KMT2C: variants seen among roughly 807,000 people sequenced by gnomAD.
KMT2C encodes histone-lysine N-methyltransferase 2C.
In KMT2C, 88 loss-of-function variants were observed where a neutral mutation model predicts 507.9. The ratio of observed to expected loss-of-function variants is 0.17; its 90% CI spans 0.15 to 0.21. The LOEUF (loss-of-function observed/expected upper bound fraction) is 0.21, where lower values mean the gene tolerates loss of function less well. Among genes scored for constraint, KMT2C ranks in the 10% least tolerant of loss-of-function variants. The probability of loss-of-function intolerance (pLI) is 1.00; values close to 1 mark genes in which losing one functional copy is unlikely to be tolerated. For missense variants in KMT2C, 4,954 were observed against 5,957.8 expected (o/e 0.83, Z 5.55); for synonymous variants, 2,049 against 2,080.8 (o/e 0.98, Z 0.42).
intron 9 of KMT2C, among the ~76,000 whole-genome samples, chr7:152,258,690 T>C (rs2129170209): frequency 6.6e-6 from 1 of 152,218 alleles, no homozygotes; most frequent in South Asian, 2.1e-4. Context: ...CATGCCTGGC[T>C]AATTTTTGTA....
At chr7:152,295,867 C>G (rs374497059) in intron 6 of KMT2C, among the ~76,000 whole-genome samples, 10 of 150,908 alleles carry the variant, frequency 6.6e-5, no homozygotes, top group African/African-American at 2.4e-4. Context: ...GAGATCGAGA[C>G]CATCCTAGCT....
intron 55 of KMT2C, among the ~76,000 whole-genome samples, chr7:152,141,109 G>A (rs1437244300): frequency 1.3e-5 from 2 of 151,952 alleles, no homozygotes; most frequent in African/African-American, 2.4e-5. Context: ...GCATGGTGGC[G>A]TGTGCCTGTA....
Position 152,250,981 on chromosome 7 carries a change from A to G in KMT2C, c.1622-15T>C, listed in dbSNP as rs769986410. The G allele has an allele frequency of 1.4e-6, 2 of 1,403,888 alleles. No homozygotes were observed. Among genetic ancestry groups the G allele is most frequent in the Non-Finnish European group, 2.0e-6 (2 of 990,726 alleles). The allele number at this position is 1,403,888 out of a possible 1,614,324, so 87.0% of individuals were successfully genotyped here. On this transcript the variant is annotated splice_polypyrimidine_tract_variant and intron_variant, in intron 11 of 58. Coordinates refer to ENST00000262189, the MANE Select transcript of KMT2C (RefSeq NM_170606.3). ...ATTGTTATAATCTTAACAAAAAATT[A>G]TTAATTCTTTAGCTCAGAATGAGTT...
In KMT2C at chr7:152,176,838, G is replaced by T. The variant is rs2129113731; in HGVS notation, c.8615C>A (p.Pro2872His). Residue 2872 changes from proline to histidine, a missense_variant, in exon 38 of 59, where the codon CCT (proline) becomes CAT (histidine). By Grantham distance (77) the Pro-to-His change is moderately conservative. Around this residue, in one of 29 missense-constraint regions of KMT2C, gnomAD observed 1,689 missense variants for 1,654.3 expected, o/e 1.02. Transcript: ENST00000262189. ...TTTCTCAAATAGATCTGGATCACAA[G>T]GATGCAAAGAAGTCTTTTCTCCATC... ...LNDGEKTSLHPCDPDLFEKRT... is the reference protein window; with the variant it reads ...LNDGEKTSLHHCDPDLFEKRT... 4 of 1,614,224 alleles carry T rather than the reference G, an allele frequency of 2.5e-6. No homozygotes were observed. Among genetic ancestry groups the T allele is most frequent in the Non-Finnish European group, 1.7e-6 (2 of 1,180,048 alleles).
intron 2 of KMT2C, among the ~76,000 whole-genome samples, chr7:152,346,987 C>T (rs1391721009): frequency 6.6e-6 from 1 of 152,020 alleles, no homozygotes; most frequent in Admixed American, 6.6e-5. Context: ...CTTAGCTGGG[C>T]GTGGTGGCAT....
At chr7:152,340,169 G>A (rs1315133814) in intron 2 of KMT2C, among the ~76,000 whole-genome samples, 9 of 140,598 alleles carry the variant, frequency 6.4e-5, no homozygotes, top group Middle Eastern at 3.7e-3. Flanking sequence ...TTTTTTTTTG[G>A]TAGAGACAGG....
Position 152,268,893 on chromosome 7 carries a change from T to C in KMT2C, c.1013-3684A>G, listed in dbSNP as rs559578573. On this transcript the variant is annotated intron_variant, in intron 7 of 58. Coordinates refer to ENST00000262189, the MANE Select transcript of KMT2C (RefSeq NM_170606.3). ...TGGTTTCCAAACAAGTGAAATGTAA[T>C]TAGTTCAAATCGAGGTGTGCAGTAA... 4.3e-4 allele frequency among the ~76,000 whole-genome samples: 66 copies of C among 152,322 alleles called. 1 individual carries two copies. The South Asian group carries it at 0.013, about 31-fold the overall frequency.
intron 2 of KMT2C, 153 bp from the exon 3 acceptor site, chr7:152,330,892 G>C: frequency 3.0e-6 from 2 of 673,262 alleles, no homozygotes; most frequent in South Asian, 3.8e-5. Context: ...CACGTAATTA[G>C]TGGTATTGTG....
chr7:152,265,419 T>C (rs2095845779), intron 7 of KMT2C, among the ~76,000 whole-genome samples: 1 of 152,208 alleles, frequency 6.6e-6, no homozygotes, highest in Admixed American at 6.5e-5. Flanking sequence ...TTTAATCGTA[T>C]AGTTTTGCAA....
intron 6 of KMT2C, among the ~76,000 whole-genome samples, chr7:152,302,338 C>T (rs547910044): frequency 6.6e-6 from 1 of 152,090 alleles, no homozygotes; most frequent in Non-Finnish European, 1.5e-5. Context: ...ATTCTCCTGC[C>T]TCAGCCTCTC....
At position 152,172,454 on chromosome 7, in the gene KMT2C, G is replaced by C. The variant is rs534058483; in HGVS notation, c.9375-1112C>G. ...CTCATGCCTGTAATTGCAGCACTTT[G>C]GGAGGGGGAGGCAGGTGGATCACCT... On this transcript the variant is annotated intron_variant, in intron 39 of 58. Coordinates refer to ENST00000262189, the MANE Select transcript of KMT2C (RefSeq NM_170606.3). Among the ~76,000 whole-genome samples the C allele has an allele frequency of 2.0e-5, 3 of 152,300 alleles. No homozygotes were observed. The South Asian group carries it at 6.2e-4, about 32-fold the overall frequency.
chr7:152,161,014 A>G (rs1308650712), intron 43 of KMT2C, among the ~76,000 whole-genome samples: 1 of 152,220 alleles, frequency 6.6e-6, no homozygotes, highest in East Asian at 1.9e-4. Flanking sequence ...AGAACAGAAC[A>G]GGCAGAAGCA....
At chr7:152,373,202 C>T (rs1417700963) in intron 1 of KMT2C, among the ~76,000 whole-genome samples, 3 of 152,038 alleles carry the variant, frequency 2.0e-5, no homozygotes, top group Non-Finnish European at 4.4e-5. Context: ...CCACGGGTTC[C>T]GCATCTGTAA....
At chr7:152,345,033 A>G (rs2097043503) in intron 2 of KMT2C, among the ~76,000 whole-genome samples, 1 of 152,000 alleles carries the variant, frequency 6.6e-6, no homozygotes, top group Non-Finnish European at 1.5e-5. Flanking sequence ...AAAAAGCACA[A>G]AAAGAGTGGA....
intron 1 of KMT2C, among the ~76,000 whole-genome samples, chr7:152,392,095 A>G (rs1206207483): frequency 3.3e-5 from 5 of 152,072 alleles, no homozygotes; most frequent in Non-Finnish European, 7.4e-5. Flanking sequence ...CCCTATATAC[A>G]CTATGTTTTA....
intron 6 of KMT2C, among the ~76,000 whole-genome samples, chr7:152,307,172 AGAGGAAGGAAGGAAAGAAGAGG>A (rs1204588593): frequency 2.0e-5 from 3 of 146,384 alleles, no homozygotes; most frequent in East Asian, 2.1e-4. Context: ...GGAGGAAAGA[AGAGGAAGGAAGGAAAGAAGAGG>A]GAGGAAGGAA....
At chr7:152,276,474 C>A (rs112543149) in intron 6 of KMT2C, among the ~76,000 whole-genome samples, 1 of 151,978 alleles carries the variant, frequency 6.6e-6, no homozygotes, top group Non-Finnish European at 1.5e-5. Flanking sequence ...AGCTCTTGGC[C>A]GGGCATGGTG....
At chr7:152,278,537 C>T (rs2096132912) in intron 6 of KMT2C, among the ~76,000 whole-genome samples, 1 of 152,390 alleles carries the variant, frequency 6.6e-6, no homozygotes, top group African/African-American at 2.4e-5. Flanking sequence ...CCAATTAAAC[C>T]TCTTTTTGTT....
rs1317072612 is a variant in KMT2C at position 152,212,356 on chromosome 7, A to G, written c.3713-4928T>C. On this transcript the variant is annotated intron_variant, in intron 23 of 58. Coordinates refer to ENST00000262189, the MANE Select transcript of KMT2C (RefSeq NM_170606.3). Reference sequence around the variant, plus strand: ...AGGGAAAGACTGAAAGCTTTTCTTCAATATCTGCTACAAGGCAAGGATGCC... The same window carrying G: ...AGGGAAAGACTGAAAGCTTTTCTTCGATATCTGCTACAAGGCAAGGATGCC... Among the ~76,000 whole-genome samples the G allele has an allele frequency of 2.0e-5, 3 of 152,244 alleles. No individual in the cohort carries two copies. The East Asian group carries it at 5.8e-4, about 29-fold the overall frequency.
Sources: allele counts gnomAD v4.1 joint callset (sites outside exome capture counted in the v4.1 genomes callset), GRCh38; gene constraint gnomAD v4.1.1; regional missense constraint gnomAD v4.1.1; transcripts MANE v1.5; gene names NCBI Gene and HGNC (gene_info 2026-07-23, HGNC 2026-07-21).